Variants in CACNA2D3 observed in about 807,000 individuals in gnomAD.
CACNA2D3 encodes calcium voltage-gated channel auxiliary subunit alpha2delta 3.
A neutral mutation model predicts 160.6 loss-of-function variants in CACNA2D3; 60 were observed. The observed-to-expected ratio is 0.37, with a 90% confidence interval of 0.30 to 0.46. The LOEUF (loss-of-function observed/expected upper bound fraction) is 0.46. Among genes scored for constraint, CACNA2D3 ranks in the 20% least tolerant of loss-of-function variants. The pLI, the probability that CACNA2D3 is intolerant of heterozygous loss-of-function variation, is 1.00. For missense variants in CACNA2D3, 1,205 were observed against 1,365.0 expected (o/e 0.88, Z 1.85); for synonymous variants, 558 against 492.9 (o/e 1.13, Z -1.75).
At chr3:55,006,089 CTA>C (rs1210732990) in intron 32 of CACNA2D3, among the ~76,000 whole-genome samples, 1 of 152,194 alleles carries the variant, frequency 6.6e-6, no homozygotes, top group Non-Finnish European at 1.5e-5. Flanking sequence ...GTGAGACTCA[CTA>C]TGTCTTTCTA....
chr3:54,975,863 C>A (rs1243109985), intron 29 of CACNA2D3, among the ~76,000 whole-genome samples: 3 of 152,064 alleles, frequency 2.0e-5, no homozygotes, highest in African/African-American at 7.2e-5. Context: ...GTTGATACCA[C>A]TTGACCAAAC....
intron 11 of CACNA2D3, among the ~76,000 whole-genome samples, chr3:54,726,761 A>G (rs1176229174): frequency 6.6e-6 from 1 of 152,168 alleles, no homozygotes; most frequent in Non-Finnish European, 1.5e-5. Flanking sequence ...ACAAAAATCA[A>G]CTCAAGGTGG....
chr3:54,334,401 C>G (rs1704331061), intron 3 of CACNA2D3, among the ~76,000 whole-genome samples: 1 of 152,140 alleles, frequency 6.6e-6, no homozygotes, highest in Non-Finnish European at 1.5e-5. Context: ...CTTAGATGTT[C>G]AGTCATCTCT....
chr3:55,050,186 T>G (rs2107203757), intron 35 of CACNA2D3, among the ~76,000 whole-genome samples: 1 of 150,912 alleles, frequency 6.6e-6, no homozygotes. Flanking sequence ...TTGATGCAGT[T>G]TCTTCCTAGT....
intron 11 of CACNA2D3, among the ~76,000 whole-genome samples, chr3:54,719,891 A>G (rs1273097472): frequency 6.6e-6 from 1 of 151,976 alleles, no homozygotes; most frequent in East Asian, 1.9e-4. Context: ...TTTTTGAGGA[A>G]TGTGTCCATT....
chr3:54,655,194 AT>A, intron 11 of CACNA2D3, among the ~76,000 whole-genome samples: 1 of 152,270 alleles, frequency 6.6e-6, no homozygotes, highest in African/African-American at 2.4e-5. Flanking sequence ...CTCTTGGACT[AT>A]TGAGTAGGGC....
chr3:54,550,224 G>A (rs1702133404), intron 5 of CACNA2D3, among the ~76,000 whole-genome samples: 1 of 152,156 alleles, frequency 6.6e-6, no homozygotes, highest in South Asian at 2.1e-4. Flanking sequence ...AAGTGGCCCT[G>A]AGCCCACCCC....
chr3:54,899,925 C>A, intron 27 of CACNA2D3, 57 bp downstream of exon 27: 1 of 1,260,190 alleles, frequency 7.9e-7, no homozygotes, highest in Middle Eastern at 1.8e-4. Context: ...ATTCATCCGG[C>A]CAGTGGGCTA....
At chr3:54,399,908 G>T (rs1453855567) in intron 4 of CACNA2D3, among the ~76,000 whole-genome samples, 2 of 122,642 alleles carry the variant, frequency 1.6e-5, no homozygotes, top group Non-Finnish European at 3.5e-5. Context: ...CCTCGTTGCC[G>T]CCTTGCAGTT....
At chr3:54,879,249 T>G in intron 19 of CACNA2D3, 101 bp from the exon 20 acceptor site, 1 of 935,336 alleles carries the variant, frequency 1.1e-6, no homozygotes, top group Non-Finnish European at 1.6e-6. Context: ...GTTAACCTGA[T>G]CATAGTGTGT....
intron 5 of CACNA2D3, among the ~76,000 whole-genome samples, chr3:54,545,896 A>C (rs906823218): frequency 1.3e-5 from 2 of 152,172 alleles, no homozygotes; most frequent in African/African-American, 4.8e-5. Flanking sequence ...CCCATCTTTC[A>C]GGACTGCTGG....
rs749994566 is a variant in CACNA2D3 at position 54,649,869 on chromosome 3, A to G, written c.1167+7628A>G. ...GCAGAGTTGACCTATCCATAAATTA[A>G]CAACCCTTATTTTGCCTTGTGTTAC... On this transcript the variant is annotated intron_variant, in intron 11 of 37. Transcript: ENST00000474759. Among the ~76,000 whole-genome samples, 3 of 152,238 alleles carry G rather than the reference A, an allele frequency of 2.0e-5. No homozygotes were observed. The South Asian group carries it at 6.2e-4, about 31-fold the overall frequency.
chr3:54,818,454 A>G (rs116270780), intron 14 of CACNA2D3, among the ~76,000 whole-genome samples: 2,769 of 152,346 alleles, frequency 0.018, 44 homozygotes, highest in Non-Finnish European at 0.028. Context: ...GCTGGGATAC[A>G]GTGAGCCACT....
intron 5 of CACNA2D3, among the ~76,000 whole-genome samples, chr3:54,542,860 A>T (rs1702002850): frequency 6.6e-6 from 1 of 152,196 alleles, no homozygotes; most frequent in Non-Finnish European, 1.5e-5. Context: ...CTCAATATTA[A>T]GGAACACAAA....
At position 54,772,519 on chromosome 3, in the gene CACNA2D3, T is replaced by C. The variant is rs947489763; in HGVS notation, c.1380+8168T>C. On this transcript the variant is annotated intron_variant, in intron 13 of 37. Transcript: ENST00000474759. The stretch of plus-strand genomic sequence containing the variant: ...GAATCAGAAACTGACAAAACTTCCT[T>C]TCAGGGCCCATTCTCCCTGCTTGTT... Among the ~76,000 whole-genome samples, 3 of 152,052 alleles carry C rather than the reference T, an allele frequency of 2.0e-5. No individual in the cohort carries two copies. In the East Asian group the frequency reaches 5.8e-4, roughly 29 times the overall value.
chr3:54,854,243 C>A (rs761221920), intron 17 of CACNA2D3, among the ~76,000 whole-genome samples: 2 of 152,212 alleles, frequency 1.3e-5, no homozygotes, highest in African/African-American at 2.4e-5. Context: ...TTTGGAAATA[C>A]ATCATTTGGT....
At chr3:54,331,773 G>T (rs1704261984) in intron 3 of CACNA2D3, among the ~76,000 whole-genome samples, 1 of 152,164 alleles carries the variant, frequency 6.6e-6, no homozygotes, top group Non-Finnish European at 1.5e-5. Flanking sequence ...TTTAACATTT[G>T]AGGATGTTTA....
At chr3:54,624,034 TGAGA>T (rs376584763) in intron 9 of CACNA2D3, among the ~76,000 whole-genome samples, 1 of 151,232 alleles carries the variant, frequency 6.6e-6, no homozygotes, top group Non-Finnish European at 1.5e-5. Context: ...GAGTTGGACA[TGAGA>T]GAGAGAGAGG....
intron 11 of CACNA2D3, among the ~76,000 whole-genome samples, chr3:54,736,023 A>G (rs1285960801): frequency 4.5e-5 from 3 of 66,946 alleles, no homozygotes; most frequent in African/African-American, 2.3e-4. Flanking sequence ...ATATACACAT[A>G]CATATATATA....
Sources: gnomAD v4.1 joint callset for allele counts (sites outside exome capture counted in the v4.1 genomes callset) on GRCh38, gnomAD v4.1.1 for gene constraint, MANE v1.5 for transcripts, NCBI Gene and HGNC (gene_info 2026-07-23, HGNC 2026-07-21) for gene names.